Variants in RAB11FIP4 observed in about 807,000 individuals in gnomAD.
The protein encoded by RAB11FIP4 is RAB11 family interacting protein 4.
In RAB11FIP4, 23 loss-of-function variants were observed where a neutral mutation model predicts 74.3. That is an observed-to-expected ratio of 0.31 (90% CI 0.22 to 0.44). The LOEUF (loss-of-function observed/expected upper bound fraction) is 0.44. Ranked by LOEUF, RAB11FIP4 falls within the 20% of genes least tolerant of loss-of-function variation. The pLI is 1.00. For missense variants in RAB11FIP4, 630 were observed against 863.9 expected, an observed-to-expected ratio of 0.73 and a Z score of 3.39; for synonymous variants, 360 against 359.9, an observed-to-expected ratio of 1.00 and a Z score of 0.00.
At chr17:31,491,667 A>C (rs891434590) in intron 3 of RAB11FIP4, among the ~76,000 whole-genome samples, 2 of 152,220 alleles carry the variant, frequency 1.3e-5, no homozygotes, top group Non-Finnish European at 2.9e-5. Context: ...GACAGGGGAC[A>C]AGCTCAGAGA....
At chr17:31,530,680 A>G (rs2072854750) in intron 14 of RAB11FIP4, among the ~76,000 whole-genome samples, 1 of 152,168 alleles carries the variant, frequency 6.6e-6, no homozygotes, top group Non-Finnish European at 1.5e-5. Flanking sequence ...TGCTGGAAGG[A>G]GTGCGGGTTT....
In RAB11FIP4 at chr17:31,445,586, T is replaced by A. The variant is rs1178137628; in HGVS notation, c.336+11464T>A. Among the ~76,000 whole-genome samples the A allele has an allele frequency of 6.1e-3, 354 of 58,350 alleles. 1 individual carries two copies. Among genetic ancestry groups the A allele is most frequent in the African/African-American group, 7.9e-3 (67 of 8,464 alleles). 38.3% of individuals were successfully genotyped at this position (58,350 alleles called of 152,430 possible). A position where few individuals can be genotyped will look rare whatever the true frequency, so the allele number is the denominator to read the frequency against. ...TATATATATATATATATATTTTTTTTTTTTTTTTTTTTTTTTTGACACGGA... is the reference window on the plus strand; with the variant it reads ...TATATATATATATATATATTTTTTTATTTTTTTTTTTTTTTTTGACACGGA... On this transcript the variant is annotated intron_variant, in intron 3 of 14. Transcript: ENST00000621161.
At chr17:31,522,175 T>A (rs1235938250) in intron 6 of RAB11FIP4, 126 bp downstream of exon 6, 1 of 1,370,918 alleles carries the variant, frequency 7.3e-7, no homozygotes, top group Non-Finnish European at 1.0e-6. Context: ...AGAGGAGGGT[T>A]GATCCAGGGG....
intron 3 of RAB11FIP4, among the ~76,000 whole-genome samples, chr17:31,502,962 GT>G (rs2072249771): frequency 6.6e-6 from 1 of 152,144 alleles, no homozygotes; most frequent in Admixed American, 6.6e-5. Context: ...AAGGACACCA[GT>G]CACATTGCGT....
At chr17:31,494,918 A>G (rs947927576) in intron 3 of RAB11FIP4, among the ~76,000 whole-genome samples, 5 of 152,232 alleles carry the variant, frequency 3.3e-5, no homozygotes, top group South Asian at 2.1e-4. Context: ...CCCCAGGTTC[A>G]GTGAGGGAGA....
Position 31,534,931 on chromosome 17 carries a change from A to C in RAB11FIP4, c.*3199A>C, listed in dbSNP as rs866294905. On this transcript the variant is annotated 3_prime_UTR_variant, in exon 15 of 15. Coordinates refer to ENST00000621161, the MANE Select transcript of RAB11FIP4 (RefSeq NM_032932.6). Reference sequence around the variant, plus strand: ...GTGAGCTTCGTGTACATTATCTATTAGAAAATGAAGTACCTTCTGGTTCAG... The same window carrying C: ...GTGAGCTTCGTGTACATTATCTATTCGAAAATGAAGTACCTTCTGGTTCAG... 3.9e-5 allele frequency: 6 copies of C among 154,366 alleles called. No homozygotes were observed. The Middle Eastern group carries it at 2.6e-3, about 66-fold the overall frequency. The allele number at this position is 154,366 out of a possible 1,614,324, so 9.6% of individuals were successfully genotyped here. A position where few individuals can be genotyped will look rare whatever the true frequency, so the allele number is the denominator to read the frequency against.
chr17:31,403,899 G>C (rs530599085), intron 1 of RAB11FIP4, among the ~76,000 whole-genome samples: 1 of 152,204 alleles, frequency 6.6e-6, no homozygotes, highest in Non-Finnish European at 1.5e-5. Context: ...TGAGCCTGGG[G>C]TGGTCTCGGT....
Position 31,391,857 on chromosome 17 carries a change from C to T in RAB11FIP4, c.5C>T (p.Ala2Val), listed in dbSNP as rs2151610168. 3 of 1,124,412 alleles carry T rather than the reference C, an allele frequency of 2.7e-6. No homozygotes were observed. Among genetic ancestry groups the T allele is most frequent in the Non-Finnish European group, 3.3e-6 (3 of 922,402 alleles). 69.7% of individuals were successfully genotyped at this position (1,124,412 alleles called of 1,614,324 possible). M[A>V]GGAGWSGAPA... is the part of the protein sequence containing the mutation. ...CTGAGCTGCGGGCCGGCCCGGATGG[C>T]GGGCGGCGCGGGCTGGTCGGGCGCC... Residue 2 changes from alanine (A) to valine (V), a missense_variant, in exon 1 of 15, where the codon GCG becomes GTG. By Grantham distance (64) the Ala-to-Val change is moderately conservative. Coordinates refer to ENST00000621161, the MANE Select transcript of RAB11FIP4 (RefSeq NM_032932.6).
intron 3 of RAB11FIP4, among the ~76,000 whole-genome samples, chr17:31,502,433 G>T (rs960373325): frequency 1.3e-5 from 2 of 151,546 alleles, no homozygotes; most frequent in East Asian, 2.0e-4. Flanking sequence ...ACAAAAATTA[G>T]CTGGGCGTGC....
chr17:31,507,780 G>A (rs1415179402), intron 3 of RAB11FIP4, among the ~76,000 whole-genome samples: 1 of 152,062 alleles, frequency 6.6e-6, no homozygotes, highest in Non-Finnish European at 1.5e-5. Flanking sequence ...GCCATGCACT[G>A]CCATGCCTGG....
At chr17:31,481,118 GAAGGA>G (rs1168569444) in intron 3 of RAB11FIP4, among the ~76,000 whole-genome samples, 1 of 152,172 alleles carries the variant, frequency 6.6e-6, no homozygotes, top group East Asian at 1.9e-4. Context: ...AAGAATGAAT[GAAGGA>G]ATCAAAGAAC....
At chr17:31,396,183 C>CAAAAAAA (rs55991343) in intron 1 of RAB11FIP4, among the ~76,000 whole-genome samples, 2 of 122,592 alleles carry the variant, frequency 1.6e-5, no homozygotes, top group Admixed American at 8.7e-5. Flanking sequence ...GACCCTGCCA[C>CAAAAAAA]AAAAAAAAAA....
intron 1 of RAB11FIP4, among the ~76,000 whole-genome samples, chr17:31,404,417 A>T (rs2151616509): frequency 6.6e-6 from 1 of 152,360 alleles, no homozygotes; most frequent in South Asian, 2.1e-4. Context: ...CTAGTGTCAG[A>T]CACATCTGGT....
At chr17:31,472,072 G>A (rs2071742672) in intron 3 of RAB11FIP4, among the ~76,000 whole-genome samples, 1 of 151,812 alleles carries the variant, frequency 6.6e-6, no homozygotes, top group African/African-American at 2.4e-5. Context: ...TGAGGCAGGA[G>A]AATAGCTTGA....
chr17:31,402,165 T>C (rs185399663), intron 1 of RAB11FIP4, among the ~76,000 whole-genome samples: 9 of 150,082 alleles, frequency 6.0e-5, no homozygotes, highest in Non-Finnish European at 1.0e-4. Flanking sequence ...TCTGCCCACT[T>C]CCGTAGCCTC....
At chr17:31,499,665 A>G (rs919039957) in intron 3 of RAB11FIP4, among the ~76,000 whole-genome samples, 6 of 152,040 alleles carry the variant, frequency 3.9e-5, no homozygotes, top group Admixed American at 3.3e-4. Flanking sequence ...ACATTTCCCC[A>G]TCTATAAGGA....
rs552691492 is a variant in RAB11FIP4 at position 31,472,234 on chromosome 17, T to C, written c.336+38112T>C. Reference sequence around the variant, plus strand: ...CACCTGAGGTCAGGTCCCCAGACCTTGGCTGAGCACCGCCCTGGGCTCATA... The same window carrying C: ...CACCTGAGGTCAGGTCCCCAGACCTCGGCTGAGCACCGCCCTGGGCTCATA... On this transcript the variant is annotated intron_variant, in intron 3 of 14. Coordinates refer to ENST00000621161, the MANE Select transcript of RAB11FIP4 (RefSeq NM_032932.6). Among the ~76,000 whole-genome samples the C allele has an allele frequency of 1.2e-4, 18 of 151,142 alleles. No homozygotes were observed. In the South Asian group the frequency reaches 3.1e-3, roughly 26 times the overall value.
At chr17:31,394,024 G>A (rs1006209445) in intron 1 of RAB11FIP4, among the ~76,000 whole-genome samples, 1 of 152,162 alleles carries the variant, frequency 6.6e-6, no homozygotes, top group African/African-American at 2.4e-5. Context: ...GAAACCTCCA[G>A]GGATCTGTTT....
chr17:31,419,052 G>A (rs1020979096), intron 1 of RAB11FIP4, among the ~76,000 whole-genome samples: 6 of 152,222 alleles, frequency 3.9e-5, no homozygotes, highest in Middle Eastern at 3.4e-3. Context: ...TTTGGGAGTG[G>A]TTTCTTTCCC....
Sources: gnomAD v4.1 joint callset for allele counts (sites outside exome capture counted in the v4.1 genomes callset) on GRCh38, gnomAD v4.1.1 for gene constraint, MANE v1.5 for transcripts, NCBI Gene and HGNC (gene_info 2026-07-23, HGNC 2026-07-21) for gene names.